Variants in BABAM2 observed in about 807,000 individuals in gnomAD.
BABAM2 encodes BRISC and BRCA1 A complex member 2.
BABAM2 carries 31 observed loss-of-function variants against 54.7 expected under a neutral mutation model. That is an observed-to-expected ratio of 0.57 (90% confidence interval 0.43 to 0.77). The LOEUF (loss-of-function observed/expected upper bound fraction) is 0.77. Ranked by LOEUF, BABAM2 falls within the 30% of genes least tolerant of loss-of-function variation. The probability of loss-of-function intolerance (pLI) is 0.00; values close to 1 mark genes in which losing one functional copy is unlikely to be tolerated. For synonymous variants in BABAM2, 167 were observed against 162.9 expected, an observed-to-expected ratio of 1.03 and a Z score of -0.19; for missense variants, 364 against 455.8, an observed-to-expected ratio of 0.80 and a Z score of 1.83.
intron 10 of BABAM2, among the ~76,000 whole-genome samples, chr2:28,281,101 A>G (rs870968): frequency 0.11 from 17,229 of 152,092 alleles, 1,085 homozygotes; most frequent in Middle Eastern, 0.17. Context: ...TCTTTATTCA[A>G]TCCCTAGTCT....
chr2:28,037,883 C>T (rs1676778756), intron 5 of BABAM2, among the ~76,000 whole-genome samples: 1 of 151,976 alleles, frequency 6.6e-6, no homozygotes, highest in Non-Finnish European at 1.5e-5. Context: ...GACATTGATA[C>T]TTGGAAGAAG....
intron 7 of BABAM2, among the ~76,000 whole-genome samples, chr2:28,134,983 A>G (rs1660339063): frequency 6.6e-6 from 1 of 152,170 alleles, no homozygotes; most frequent in South Asian, 2.1e-4. Context: ...TTTGAGCTTC[A>G]TTTCATCTTC....
At chr2:28,301,407 T>A (rs916528678) in intron 11 of BABAM2, among the ~76,000 whole-genome samples, 6 of 152,224 alleles carry the variant, frequency 3.9e-5, no homozygotes, top group African/African-American at 1.2e-4. Context: ...GAGCACAGGC[T>A]TTGGGGTCAT....
intron 6 of BABAM2, among the ~76,000 whole-genome samples, chr2:28,051,069 C>T (rs758576227): frequency 6.6e-5 from 10 of 152,198 alleles, no homozygotes; most frequent in Non-Finnish European, 1.3e-4. Context: ...AGAGCTATTT[C>T]CTTGGCCCCA....
chr2:28,237,684 T>C (rs1054494581), intron 8 of BABAM2, among the ~76,000 whole-genome samples: 10 of 151,572 alleles, frequency 6.6e-5, no homozygotes, highest in African/African-American at 2.4e-4. Flanking sequence ...TGTGTGCATG[T>C]GTTTGGCAGT....
chr2:28,026,971 A>ATATATATAAATATAT (rs1558668237), intron 5 of BABAM2, among the ~76,000 whole-genome samples: 1 of 86,916 alleles, frequency 1.2e-5, no homozygotes, highest in African/African-American at 6.9e-5. Context: ...TATATATATA[A>ATATATATAAATATAT]ATATATAAAT....
intron 3 of BABAM2, among the ~76,000 whole-genome samples, chr2:27,947,386 A>G (rs572431988): frequency 6.6e-6 from 1 of 152,304 alleles, no homozygotes; most frequent in South Asian, 2.1e-4. Flanking sequence ...CATTAAAAAT[A>G]CTATAATACT....
chr2:28,235,376 C>A (rs1681808993), intron 7 of BABAM2, among the ~76,000 whole-genome samples: 1 of 151,980 alleles, frequency 6.6e-6, no homozygotes, highest in Admixed American at 6.6e-5. Flanking sequence ...AGGGTTTCAC[C>A]ATGTTGGCCA....
chr2:27,897,369 G>A (rs1665418318), intron 2 of BABAM2, among the ~76,000 whole-genome samples: 1 of 152,074 alleles, frequency 6.6e-6, no homozygotes, highest in Non-Finnish European at 1.5e-5. Context: ...GGAATAGTAG[G>A]ATGCTTTTGA....
At chr2:28,251,497 A>C (rs1438695874) in intron 10 of BABAM2, among the ~76,000 whole-genome samples, 1 of 152,138 alleles carries the variant, frequency 6.6e-6, no homozygotes, top group East Asian at 1.9e-4. Flanking sequence ...TCGCACTGTC[A>C]CCTCACCACT....
intron 4 of BABAM2, among the ~76,000 whole-genome samples, chr2:27,991,651 A>C (rs1317961217): frequency 1.3e-5 from 2 of 152,218 alleles, no homozygotes; most frequent in Non-Finnish European, 2.9e-5. Flanking sequence ...GGAATCATAT[A>C]ATATGTTGTC....
chr2:27,987,859 C>A, intron 3 of BABAM2, 134 bp from the exon 4 acceptor site: 48 of 560,916 alleles, frequency 8.6e-5, no homozygotes, highest in Middle Eastern at 3.4e-4. Flanking sequence ...AAGAATTAAT[C>A]ATCTGGAAAG....
At chr2:28,299,326 T>C (rs939759489) in intron 11 of BABAM2, among the ~76,000 whole-genome samples, 7 of 152,200 alleles carry the variant, frequency 4.6e-5, no homozygotes, top group African/African-American at 1.2e-4. Flanking sequence ...TATAGAAATA[T>C]GCTGAGTGTT....
intron 7 of BABAM2, among the ~76,000 whole-genome samples, chr2:28,212,683 G>A (rs533748417): frequency 2.0e-5 from 3 of 151,966 alleles, no homozygotes; most frequent in South Asian, 2.1e-4. Context: ...TCCTGCTCCC[G>A]ACCCCCTCAT....
intron 6 of BABAM2, among the ~76,000 whole-genome samples, chr2:28,092,068 A>G (rs1259450030): frequency 6.6e-6 from 1 of 152,184 alleles, no homozygotes; most frequent in Non-Finnish European, 1.5e-5. Flanking sequence ...GAATGAGCAC[A>G]TAGATACAGA....
At chr2:27,911,544 G>A (rs1165204103) in intron 2 of BABAM2, among the ~76,000 whole-genome samples, 1 of 151,954 alleles carries the variant, frequency 6.6e-6, no homozygotes, top group African/African-American at 2.4e-5. Context: ...AAAAATGGAG[G>A]CAAGCGTGCA....
At chr2:27,986,715 A>T (rs1573331955) in intron 3 of BABAM2, among the ~76,000 whole-genome samples, 1 of 152,182 alleles carries the variant, frequency 6.6e-6, no homozygotes, top group Non-Finnish European at 1.5e-5. Context: ...AAATGTTTAC[A>T]TTTGGATAAA....
intron 7 of BABAM2, among the ~76,000 whole-genome samples, chr2:28,219,423 T>G (rs1680195146): frequency 2.6e-5 from 4 of 152,250 alleles, no homozygotes; most frequent in Admixed American, 1.3e-4. Context: ...TTTTAAGGAC[T>G]CGTGTGTCTA....
intron 6 of BABAM2, among the ~76,000 whole-genome samples, chr2:28,108,824 A>T (rs1667743532): frequency 6.6e-6 from 1 of 152,148 alleles, no homozygotes; most frequent in Non-Finnish European, 1.5e-5. Flanking sequence ...GATATAGCAG[A>T]ATGATGTCGT....
Sources: gnomAD v4.1 joint callset for allele counts (sites outside exome capture counted in the v4.1 genomes callset) on GRCh38, gnomAD v4.1.1 for gene constraint, MANE v1.5 for transcripts, NCBI Gene and HGNC (gene_info 2026-07-23, HGNC 2026-07-21) for gene names.